PUDP: variants seen among roughly 807,000 people sequenced by gnomAD.
The protein encoded by PUDP is pseudouridine 5'-phosphatase, also known as pseudouridine-5'-phosphatase.
A neutral mutation model predicts 9.4 loss-of-function variants in PUDP; 8 were observed. The ratio of observed to expected loss-of-function variants is 0.85; its 90% confidence interval spans 0.50 to 1.53. The LOEUF (loss-of-function observed/expected upper bound fraction) is 1.53, where lower values mean the gene tolerates loss of function less well. PUDP is among the 40% of genes most tolerant of loss of function. The pLI, the probability that PUDP is intolerant of heterozygous loss-of-function variation, is 0.00. For synonymous variants in PUDP, 99 were observed against 80.7 expected (o/e 1.23, Z -1.22); for missense variants, 188 against 189.7 (o/e 0.99, Z 0.05).
intron 3 of PUDP, among the ~76,000 whole-genome samples, chrX:6,821,484 C>T (rs1425517260): frequency 9.0e-6 from 1 of 111,109 alleles, no homozygotes; most frequent in Non-Finnish European, 1.9e-5. Flanking sequence ...GGAAAACAGG[C>T]AGAGCAGGAA....
chrX:6,865,134 A>G (rs1173437111), intron 3 of PUDP, among the ~76,000 whole-genome samples: 5 of 111,782 alleles, frequency 4.5e-5, no homozygotes, highest in Non-Finnish European at 9.4e-5. Context: ...TAATTTATTG[A>G]CAACTATTCT....
chrX:7,133,110 G>C (rs1056161693), intron 1 of PUDP, among the ~76,000 whole-genome samples: 5 of 111,843 alleles, frequency 4.5e-5, no homozygotes, highest in African/African-American at 1.6e-4. Context: ...TGGGGCTTTC[G>C]GGGTTTGCTG....
intron 3 of PUDP, among the ~76,000 whole-genome samples, chrX:6,866,254 A>G (rs1602651526): frequency 9.9e-6 from 1 of 101,159 alleles, no homozygotes; most frequent in South Asian, 4.9e-4. Context: ...TTTAAAATTT[A>G]TGGTTTTTTT....
intron 3 of PUDP, among the ~76,000 whole-genome samples, chrX:6,908,835 CTCA>C (rs1927806722): frequency 8.9e-6 from 1 of 112,065 alleles, no homozygotes; most frequent in Non-Finnish European, 1.9e-5. Flanking sequence ...AATCCATCAT[CTCA>C]TCAGATTATC....
intron 3 of PUDP, among the ~76,000 whole-genome samples, chrX:6,786,976 T>C (rs6639672): frequency 0.49 from 53,225 of 109,202 alleles, 10,148 homozygotes; most frequent in Non-Finnish European, 0.59. Flanking sequence ...GAACTTCTCT[T>C]TCTCCTCTCT....
chrX:6,815,534 G>T (rs757485305), intron 3 of PUDP, among the ~76,000 whole-genome samples: 1 of 111,453 alleles, frequency 9.0e-6, no homozygotes, highest in Non-Finnish European at 1.9e-5. Flanking sequence ...CATCAAAAAA[G>T]CAATTCAGGG....
upstream of PUDP, among the ~76,000 whole-genome samples, chrX:6,724,871 A>C (rs1924721502): frequency 9.0e-6 from 1 of 111,729 alleles, no homozygotes; most frequent in African/African-American, 3.3e-5. Flanking sequence ...CCTTTTCACA[A>C]GTCTCTTCTA....
chrX:6,959,373 G>A (rs1215962054), intron 3 of PUDP, among the ~76,000 whole-genome samples: 2 of 111,816 alleles, frequency 1.8e-5, no homozygotes, highest in African/African-American at 6.5e-5. Flanking sequence ...CTCCTCAGGT[G>A]CCCCAGCTGT....
intron 3 of PUDP, among the ~76,000 whole-genome samples, chrX:6,970,537 C>T (rs1928857855): frequency 9.0e-6 from 1 of 111,254 alleles, no homozygotes; most frequent in Non-Finnish European, 1.9e-5. Flanking sequence ...CCTATTTGGC[C>T]ATAAGCATTG....
intron 1 of PUDP, among the ~76,000 whole-genome samples, chrX:7,037,657 C>T (rs1929871175): frequency 8.9e-6 from 1 of 112,294 alleles, no homozygotes; most frequent in African/African-American, 3.2e-5. Flanking sequence ...TCTGTAGCTT[C>T]ATCAAAGATA....
At position 6,752,077 on chromosome X, in the gene PUDP, G is replaced by T. The variant is rs766305598; in HGVS notation, c.*248-45611C>A. Among the ~76,000 whole-genome samples, 4 of 110,868 alleles carry T rather than the reference G, an allele frequency of 3.6e-5. No individual in the cohort carries two copies. In the South Asian group the frequency reaches 1.6e-3, roughly 43 times the overall value. ...TTCTTCTCAAATTGTTTCCCCAAGG[G>T]ACCTCCCACCTGCTACACCCAGGGG... On this transcript the variant is annotated intron_variant and NMD_transcript_variant, in intron 3 of 3. Coordinates refer to the PUDP transcript ENST00000655425.
At chrX:6,910,320 T>G (rs1232847538) in intron 3 of PUDP, among the ~76,000 whole-genome samples, 2 of 112,105 alleles carry the variant, frequency 1.8e-5, no homozygotes, top group African/African-American at 6.5e-5. Flanking sequence ...CAGATTAAAC[T>G]TGGCCCTGTT....
chrX:6,942,116 C>T (rs1437882086), intron 3 of PUDP, among the ~76,000 whole-genome samples: 1 of 111,324 alleles, frequency 9.0e-6, no homozygotes, highest in African/African-American at 3.3e-5. Flanking sequence ...GTTTACTATT[C>T]TGGCAATAGA....
At chrX:6,730,763 TGAGTA>T (rs1201876938) in intron 3 of PUDP, among the ~76,000 whole-genome samples, 4 of 112,006 alleles carry the variant, frequency 3.6e-5, no homozygotes, top group African/African-American at 9.7e-5. Context: ...GCTGAAGACT[TGAGTA>T]GAGACCTAAG....
chrX:6,714,932 T>C (rs1268244553), intron 1 of PUDP, among the ~76,000 whole-genome samples: 1 of 110,543 alleles, frequency 9.0e-6, no homozygotes, highest in Non-Finnish European at 1.9e-5. Flanking sequence ...AGGATATGTA[T>C]ATATATTCTG....
At chrX:7,064,672 C>T (rs903902446) in intron 3 of PUDP, among the ~76,000 whole-genome samples, 1 of 111,426 alleles carries the variant, frequency 9.0e-6, no homozygotes, top group Non-Finnish European at 1.9e-5. Context: ...GAGAACGGCA[C>T]ACAGAGCCCC....
chrX:6,968,439 G>C (rs1434918383), intron 3 of PUDP, among the ~76,000 whole-genome samples: 1 of 111,298 alleles, frequency 9.0e-6, no homozygotes, highest in Non-Finnish European at 1.9e-5. Flanking sequence ...TGGCCCTGTG[G>C]GTCTGGGGCA....
chrX:6,881,860 T>A (rs1191123496), intron 3 of PUDP, among the ~76,000 whole-genome samples: 1 of 111,192 alleles, frequency 9.0e-6, no homozygotes, highest in African/African-American at 3.3e-5. Context: ...AACTCTCCAA[T>A]AAAATCTGAT....
intron 3 of PUDP, among the ~76,000 whole-genome samples, chrX:6,872,583 C>T (rs765702659): frequency 7.4e-5 from 8 of 107,931 alleles, no homozygotes; most frequent in Non-Finnish European, 1.3e-4. Context: ...CCTGTAATCC[C>T]AGCTACTTGG....
Sources: allele counts gnomAD v4.1 joint callset (sites outside exome capture counted in the v4.1 genomes callset), GRCh38; gene constraint gnomAD v4.1.1; transcripts MANE v1.5; gene names NCBI Gene and HGNC (gene_info 2026-07-23, HGNC 2026-07-21).